The following GTSE1 variants were observed in gnomAD, a reference collection of about 807,000 sequenced individuals.
The protein encoded by GTSE1 is G2 and S-phase expressed 1, also known as G2 and S phase-expressed protein 1.
Under a neutral mutation model 60.5 loss-of-function variants are expected in GTSE1, and 52 were observed. The ratio of observed to expected loss-of-function variants is 0.86; its 90% CI spans 0.69 to 1.08. The LOEUF is 1.08. Ranked by LOEUF, GTSE1 falls within the 50% of genes least tolerant of loss-of-function variation. The probability of loss-of-function intolerance (pLI) is 0.00; values close to 1 mark genes in which losing one functional copy is unlikely to be tolerated. For synonymous variants in GTSE1, 368 were observed against 386.5 expected (o/e 0.95, Z 0.56); for missense variants, 937 against 961.8 (o/e 0.97, Z 0.34).
chr22:46,307,327 G>T (rs886066622), intron 2 of GTSE1, among the ~76,000 whole-genome samples: 5 of 152,142 alleles, frequency 3.3e-5, no homozygotes, highest in African/African-American at 1.2e-4. Context: ...TTGTAAGAGG[G>T]GAATTTAATT....
Position 46,321,879 on chromosome 22 carries a change from G to C in GTSE1, c.1433-1311G>C, listed in dbSNP as rs2077814516. On this transcript the variant is annotated intron_variant, in intron 7 of 11. Coordinates refer to ENST00000454366, the MANE Select transcript of GTSE1 (RefSeq NM_016426.7). This position sits in a 1 kb window ranked among gnomAD's most constrained non-coding sequence, Gnocchi z 4.0. ...ACTTGAGGTCAGGAGTTCAAGACCA[G>C]CCTGGCCAACATGGCAAAACCCTGT... is the stretch of plus-strand genomic sequence containing the variant. Among the ~76,000 whole-genome samples, 1 of 152,084 alleles carries C rather than the reference G, an allele frequency of 6.6e-6. No homozygotes were observed. Among genetic ancestry groups the C allele is most frequent in the East Asian group, 1.9e-4 (1 of 5,190 alleles).
In GTSE1 at chr22:46,316,427, C is replaced by G. The variant is rs1345703865; in HGVS notation, c.1432+15C>G. On this transcript the variant is annotated intron_variant, in intron 7 of 11. Transcript: ENST00000454366. This position sits in a 1 kb window ranked among gnomAD's most constrained non-coding sequence, Gnocchi z 5.0. ...GTTTTCTATTGGTGAGTAATAGATA[C>G]ATTTTAATGTGTCTTTAAAAAATAC... 7.2e-7 allele frequency: 1 copy of G among 1,387,730 alleles called. No individual in the cohort carries two copies. Among genetic ancestry groups the G allele is most frequent in the South Asian group, 1.3e-5 (1 of 75,814 alleles). 86.0% of individuals were successfully genotyped at this position (1,387,730 alleles called of 1,614,324 possible).
chr22:46,308,212 A>G lies in GTSE1; in HGVS notation c.137+5A>G, dbSNP rs2077726132. The G allele has an allele frequency of 6.2e-7, 1 of 1,612,538 alleles. No homozygotes were observed. The highest frequency in any genetic ancestry group is 1.3e-5 in the African/African-American group (1 of 74,898). On this transcript the variant is annotated splice_donor_5th_base_variant and intron_variant, in intron 3 of 11. Coordinates refer to ENST00000454366, the MANE Select transcript of GTSE1 (RefSeq NM_016426.7). ...TCTTTCATTGTCTTCTTCGAGGTAAACAAATGAGTTTTCTTCCCTTGCCTT... is the reference window on the plus strand; with the variant it reads ...TCTTTCATTGTCTTCTTCGAGGTAAGCAAATGAGTTTTCTTCCCTTGCCTT...
Position 46,308,803 on chromosome 22 carries a change from T to C in GTSE1, c.622T>C (p.Ser208Pro). ...CACCCGGGCGCCGGGGCCTCCGCAC[T>C]CTGCTCATGCTTTGCCCAGGGAATC... ...RLTRAPGPPH[S>P]AHALPRESCT... The change falls in exon 4 of 12, where the codon TCT (serine) becomes CCT (proline). Residue 208 changes from serine to proline, a missense_variant. Coordinates refer to ENST00000454366, the MANE Select transcript of GTSE1 (RefSeq NM_016426.7). 1 of 1,613,254 alleles carries C rather than the reference T, an allele frequency of 6.2e-7. No individual in the cohort carries two copies.
At position 46,318,515 on chromosome 22, in the gene GTSE1, G is replaced by A. The variant is rs2077793622; in HGVS notation, c.1432+2103G>A. Among the ~76,000 whole-genome samples, 9 of 152,172 alleles carry A rather than the reference G, an allele frequency of 5.9e-5. No homozygotes were observed. Among genetic ancestry groups the A allele is most frequent in the Admixed American group, 5.2e-4 (8 of 15,272 alleles). ...GGCCTGCAGATCCTAGCACAACAAA[G>A]GGACTAAGGGAAGATGGTGTCCTGG... On this transcript the variant is annotated intron_variant, in intron 7 of 11. Coordinates refer to ENST00000454366, the MANE Select transcript of GTSE1 (RefSeq NM_016426.7). This position sits in a 1 kb window ranked among gnomAD's most constrained non-coding sequence, Gnocchi z 4.8.
chr22:46,297,048 G>C lies in GTSE1; in HGVS notation c.-22+117G>C, dbSNP rs1190081908. 1 of 245,462 alleles carries C rather than the reference G, an allele frequency of 4.1e-6. No individual in the cohort carries two copies. Among genetic ancestry groups the C allele is most frequent in the Non-Finnish European group, 8.1e-6 (1 of 123,652 alleles). The allele number at this position is 245,462 out of a possible 1,614,324, so 15.2% of individuals were successfully genotyped here. On this transcript the variant is annotated intron_variant, in intron 1 of 11. Coordinates refer to ENST00000454366, the MANE Select transcript of GTSE1 (RefSeq NM_016426.7). The surrounding 1 kb of genome is among the most constrained non-coding windows in gnomAD (Gnocchi z 4.9). ...CCCGCCAGGAGCCGGGCCTGGGCTC[G>C]AGCAGGGGTCACTGAGGCCCCTCGC... is the stretch of plus-strand genomic sequence containing the variant.
intron 2 of GTSE1, among the ~76,000 whole-genome samples, chr22:46,300,050 G>A (rs1217062215): frequency 2.8e-5 from 4 of 145,074 alleles, no homozygotes; most frequent in African/African-American, 1.0e-4. Flanking sequence ...TGATCTGCCC[G>A]CCTGGGCCTC....
intron 9 of GTSE1, among the ~76,000 whole-genome samples, chr22:46,327,639 C>A (rs1290251967): frequency 6.6e-6 from 1 of 152,174 alleles, no homozygotes; most frequent in Non-Finnish European, 1.5e-5. Context: ...CGCACCACTG[C>A]ACTCCAGCCT....
At position 46,318,017 on chromosome 22, in the gene GTSE1, G is replaced by C. The variant is rs1313478656; in HGVS notation, c.1432+1605G>C. 6.6e-6 allele frequency among the ~76,000 whole-genome samples: 1 copy of C among 152,244 alleles called. No individual in the cohort carries two copies. The highest frequency in any genetic ancestry group is 2.4e-5 in the African/African-American group (1 of 41,466). On this transcript the variant is annotated intron_variant, in intron 7 of 11. Transcript: ENST00000454366. This position sits in a 1 kb window ranked among gnomAD's most constrained non-coding sequence, Gnocchi z 4.8. ...CCCTTGGGTTCCTAGAGCTCGTTCT[G>C]TCGGAGTAGCCCCCTCCTCTCTAGT...
Position 46,316,425 on chromosome 22 carries a change from TA to T in GTSE1, c.1432+14del. The stretch of plus-strand genomic sequence containing the variant: ...AAGTTTTCTATTGGTGAGTAATAGA[TA>T]CATTTTAATGTGTCTTTAAAAAATA... On this transcript the variant is annotated intron_variant, in intron 7 of 11. Transcript: ENST00000454366. The surrounding 1 kb of genome is among the most constrained non-coding windows in gnomAD (Gnocchi z 5.0). The T allele has an allele frequency of 7.1e-7, 1 of 1,401,162 alleles. No homozygotes were observed. The highest frequency in any genetic ancestry group is 1.3e-5 in the South Asian group (1 of 78,230). The allele number at this position is 1,401,162 out of a possible 1,614,324, so 86.8% of individuals were successfully genotyped here. A position where few individuals can be genotyped will look rare whatever the true frequency, so the allele number is the denominator to read the frequency against.
Position 46,308,367 on chromosome 22 carries a change from A to G in GTSE1, c.186A>G (p.Glu62=). The change falls in exon 4 of 12, where the codon GAA becomes GAG. Residue 62 remains glutamate, a synonymous_variant. Coordinates refer to ENST00000454366, the MANE Select transcript of GTSE1 (RefSeq NM_016426.7). ...EVFFGPFGHK[E]RCIAASLELN... is the part of the protein sequence containing the mutation. Reference sequence around the variant, plus strand: ...TCTTCGGACCCTTTGGACATAAAGAAAGATGTATTGCTGCCAGCTTGGAAT... The same window carrying G: ...TCTTCGGACCCTTTGGACATAAAGAGAGATGTATTGCTGCCAGCTTGGAAT... 1.2e-6 allele frequency: 2 copies of G among 1,614,152 alleles called. No homozygotes were observed. The highest frequency in any genetic ancestry group is 1.7e-6 in the Non-Finnish European group (2 of 1,179,964).
At position 46,319,556 on chromosome 22, in the gene GTSE1, C is replaced by A. The variant is rs2147827111; in HGVS notation, c.1432+3144C>A. ...AGAGGCAGCGGGCAGAGTCCACGGC[C>A]CCATTTTGGAAGTAGTGAGGGTGAG... On this transcript the variant is annotated intron_variant, in intron 7 of 11. Transcript: ENST00000454366. This position sits in a 1 kb window ranked among gnomAD's most constrained non-coding sequence, Gnocchi z 5.0. Among the ~76,000 whole-genome samples, 1 of 152,104 alleles carries A rather than the reference C, an allele frequency of 6.6e-6. No individual in the cohort carries two copies. Among genetic ancestry groups the A allele is most frequent in the South Asian group, 2.1e-4 (1 of 4,820 alleles).
Position 46,304,117 on chromosome 22 carries a change from G to C in GTSE1, c.80-4033G>C, listed in dbSNP as rs2077703956. On this transcript the variant is annotated intron_variant, in intron 2 of 11. Coordinates refer to ENST00000454366, the MANE Select transcript of GTSE1 (RefSeq NM_016426.7). The surrounding 1 kb of genome is among the most constrained non-coding windows in gnomAD (Gnocchi z 4.4). Reference sequence around the variant, plus strand: ...CAAGCTCCTGGGCTCAGCATCCTGAGTAGCTGGGACTACAGGTATATGGCA... The same window carrying C: ...CAAGCTCCTGGGCTCAGCATCCTGACTAGCTGGGACTACAGGTATATGGCA... 6.6e-6 allele frequency among the ~76,000 whole-genome samples: 1 copy of C among 152,082 alleles called. No individual in the cohort carries two copies. Among genetic ancestry groups the C allele is most frequent in the Non-Finnish European group, 1.5e-5 (1 of 68,030 alleles).
rs367958243 is a variant in GTSE1, at chr22:46,308,433, T to A, written c.252T>A (p.Ser84=). ...CCGAACAGCCTCCGTTGCCCACATC[T>A]GAGAGTCCCTTTGCCTGGAGCCCTC... is the stretch of plus-strand genomic sequence containing the variant. ...PVPEQPPLPT[S]ESPFAWSPLA... Residue 84 remains serine (S), a synonymous_variant, in exon 4 of 12, where the codon TCT becomes TCA. Transcript: ENST00000454366. The A allele has an allele frequency of 1.5e-5, 25 of 1,614,052 alleles. No individual in the cohort carries two copies. The highest frequency in any genetic ancestry group is 2.0e-5 in the Non-Finnish European group (24 of 1,180,036).
At chr22:46,326,871 C>T (rs1023348437) in intron 9 of GTSE1, 1 of 465,584 alleles carries the variant, frequency 2.1e-6, no homozygotes, top group Non-Finnish European at 3.8e-6. Flanking sequence ...GTGTAATTCT[C>T]TGATAATCAA....
chr22:46,311,996 G>A (rs566250506), intron 4 of GTSE1, 145 bp from the exon 5 acceptor site: 213 of 654,096 alleles, frequency 3.3e-4, no homozygotes, highest in Non-Finnish European at 4.1e-4. Flanking sequence ...TGCTTGCCCT[G>A]TTCCCTTCAA....
At chr22:46,327,678 C>T (rs1235891813) in intron 9 of GTSE1, among the ~76,000 whole-genome samples, 3 of 152,006 alleles carry the variant, frequency 2.0e-5, no homozygotes, top group Non-Finnish European at 4.4e-5. Context: ...CTCAAAAAAA[C>T]GAAAAACAAA....
Position 46,326,589 on chromosome 22 carries a change from G to A in GTSE1, c.1659G>A (p.Val553=). 6 of 1,613,978 alleles carry A rather than the reference G, an allele frequency of 3.7e-6. No individual in the cohort carries two copies. The highest frequency in any genetic ancestry group is 5.1e-6 in the Non-Finnish European group (6 of 1,179,936). The change falls in exon 9 of 12, where the codon GTG becomes GTA. Residue 553 remains valine, a synonymous_variant. Transcript: ENST00000454366. The part of the protein sequence containing the change: ...PMTPKTMPRA[V]GSPLCVPARR... Reference sequence around the variant, plus strand: ...CCCCCAAAACGATGCCCAGGGCCGTGGGCTCTCCCCTGTGTGTGCCAGCTC... The same window carrying A: ...CCCCCAAAACGATGCCCAGGGCCGTAGGCTCTCCCCTGTGTGTGCCAGCTC...
In GTSE1 at chr22:46,297,339, C is replaced by T. The variant is rs1304309522; in HGVS notation, c.-21-41C>T. 2.0e-5 allele frequency: 23 copies of T among 1,137,294 alleles called. No individual in the cohort carries two copies. Among genetic ancestry groups the T allele is most frequent in the Non-Finnish European group, 2.7e-6 (2 of 746,940 alleles). 70.5% of individuals were successfully genotyped at this position (1,137,294 alleles called of 1,614,324 possible). On this transcript the variant is annotated intron_variant, in intron 1 of 11. Transcript: ENST00000454366. The surrounding 1 kb of genome is among the most constrained non-coding windows in gnomAD (Gnocchi z 4.9). ...GCTGAAGGAAGCCGGAGCCCTGGGC[C>T]CTGACACGTACTCACTTTCTGGCCC... is the stretch of plus-strand genomic sequence containing the variant.
Sources: gnomAD v4.1 joint callset for allele counts (sites outside exome capture counted in the v4.1 genomes callset) on GRCh38, gnomAD v4.1.1 for gene constraint, Gnocchi (gnomAD v3.1) non-coding constraint, MANE v1.5 for transcripts, NCBI Gene and HGNC (gene_info 2026-07-23, HGNC 2026-07-21) for gene names.